ATP9B: variants seen among roughly 807,000 people sequenced by gnomAD.
ATP9B encodes the protein probable phospholipid-transporting ATPase IIB.
In ATP9B, 110 loss-of-function variants were observed where a neutral mutation model predicts 146.1. That is an observed-to-expected ratio of 0.75 (90% CI 0.65 to 0.88). The LOEUF (loss-of-function observed/expected upper bound fraction) is 0.88. Ranked by LOEUF, ATP9B falls within the 40% of genes least tolerant of loss-of-function variation. The probability of loss-of-function intolerance (pLI) is 0.00; values close to 1 mark genes in which losing one functional copy is unlikely to be tolerated. For synonymous variants in ATP9B, 604 were observed against 569.7 expected, an observed-to-expected ratio of 1.06 and a Z score of -0.86; for missense variants, 1,499 against 1,496.4, an observed-to-expected ratio of 1.00 and a Z score of -0.03.
At chr18:79,330,148 G>A (rs765506089) in intron 17 of ATP9B, 44 bp downstream of exon 17, 1 of 1,552,056 alleles carries the variant, frequency 6.4e-7, no homozygotes, top group African/African-American at 1.4e-5. Context: ...TTCTATGGAA[G>A]AGGAGGTATG....
chr18:79,101,134 C>T (rs2075250374), intron 2 of ATP9B, among the ~76,000 whole-genome samples: 1 of 151,128 alleles, frequency 6.6e-6, no homozygotes, highest in Non-Finnish European at 1.5e-5. Context: ...GTGATTTCAT[C>T]AGGTGTTGAT....
At chr18:79,108,725 A>C in intron 2 of ATP9B, among the ~76,000 whole-genome samples, 1 of 152,218 alleles carries the variant, frequency 6.6e-6, no homozygotes, top group East Asian at 1.9e-4. Flanking sequence ...AGGGATGGGC[A>C]GCCTCCACAG....
intron 8 of ATP9B, among the ~76,000 whole-genome samples, chr18:79,184,444 C>G (rs527792889): frequency 2.9e-4 from 44 of 152,052 alleles, no homozygotes; most frequent in Non-Finnish European, 3.1e-4. Flanking sequence ...GTCATCATTT[C>G]CCTCCTCAGC....
intron 5 of ATP9B, among the ~76,000 whole-genome samples, chr18:79,132,355 A>G (rs1453538311): frequency 6.6e-6 from 1 of 152,210 alleles, no homozygotes; most frequent in Non-Finnish European, 1.5e-5. Context: ...TGTGTGTCAG[A>G]TAACATTCAG....
chr18:79,376,490 A>G, intron 29 of ATP9B: 1 of 780,360 alleles, frequency 1.3e-6, no homozygotes, highest in Non-Finnish European at 1.6e-6. Flanking sequence ...CCTGAGTTCA[A>G]GTGATTCTCC....
intron 2 of ATP9B, among the ~76,000 whole-genome samples, chr18:79,098,550 A>G (rs1417700054): frequency 6.6e-6 from 1 of 151,560 alleles, no homozygotes. Flanking sequence ...AAAACAAACA[A>G]CCCCATCAAA....
intron 11 of ATP9B, among the ~76,000 whole-genome samples, chr18:79,248,964 T>C (rs1432842876): frequency 6.6e-6 from 1 of 152,168 alleles, no homozygotes; most frequent in Non-Finnish European, 1.5e-5. Context: ...ATTTGCCGTG[T>C]ACATTGATTG....
chr18:79,317,906 G>A (rs145836721), intron 15 of ATP9B, among the ~76,000 whole-genome samples: 2 of 152,350 alleles, frequency 1.3e-5, no homozygotes, highest in East Asian at 3.9e-4. Context: ...ATTGCTCAAA[G>A]CCAGCAAACA....
At chr18:79,154,336 T>A (rs1230035155) in intron 6 of ATP9B, among the ~76,000 whole-genome samples, 168 bp from the exon 7 acceptor site, 1 of 152,200 alleles carries the variant, frequency 6.6e-6, no homozygotes, top group Non-Finnish European at 1.5e-5. Flanking sequence ...TCAATTAAAA[T>A]GTGAATTAAA....
At chr18:79,303,268 A>G (rs1198075407) in intron 13 of ATP9B, among the ~76,000 whole-genome samples, 1 of 152,132 alleles carries the variant, frequency 6.6e-6, no homozygotes, top group Non-Finnish European at 1.5e-5. Context: ...AAGCTGAGGC[A>G]GGTGGATCAC....
chr18:79,073,640 G>T (rs949195605), intron 1 of ATP9B, among the ~76,000 whole-genome samples: 5 of 152,144 alleles, frequency 3.3e-5, no homozygotes, highest in South Asian at 4.1e-4. Flanking sequence ...ACGAGGGAGG[G>T]GGGAGACCGT....
At chr18:79,343,930 TC>T (rs1036528585) in intron 20 of ATP9B, 1 of 378,262 alleles carries the variant, frequency 2.6e-6, no homozygotes, top group African/African-American at 2.1e-5. Flanking sequence ...GCAATTACCC[TC>T]CCAAACTATC....
chr18:79,364,874 A>C (rs1382008053), intron 26 of ATP9B, among the ~76,000 whole-genome samples: 2 of 152,152 alleles, frequency 1.3e-5, no homozygotes, highest in Non-Finnish European at 1.5e-5. Context: ...ACATAGAAAA[A>C]AATGAGCTGA....
chr18:79,076,991 C>T (rs140857992), intron 1 of ATP9B, among the ~76,000 whole-genome samples: 27 of 152,268 alleles, frequency 1.8e-4, no homozygotes, highest in African/African-American at 4.8e-4. Context: ...AGCAGTGTCT[C>T]TTCTGAGACT....
At chr18:79,358,949 G>T (rs2096970414) in intron 25 of ATP9B, among the ~76,000 whole-genome samples, 1 of 151,782 alleles carries the variant, frequency 6.6e-6, no homozygotes. Flanking sequence ...CTGTGTGAGG[G>T]GTGCTCTGGG....
chr18:79,322,353 A>G (rs910886760), intron 15 of ATP9B, among the ~76,000 whole-genome samples: 7 of 152,310 alleles, frequency 4.6e-5, no homozygotes, highest in African/African-American at 1.7e-4. Context: ...TGAGACAGCG[A>G]GTGTTGACAT....
intron 11 of ATP9B, among the ~76,000 whole-genome samples, chr18:79,227,240 C>G (rs1021583981): frequency 1.3e-5 from 2 of 152,094 alleles, no homozygotes; most frequent in African/African-American, 2.4e-5. Context: ...TTTCTTTGCT[C>G]CAGCCCTGGG....
At chr18:79,093,918 G>A (rs2074559269) in intron 1 of ATP9B, among the ~76,000 whole-genome samples, 1 of 152,188 alleles carries the variant, frequency 6.6e-6, no homozygotes, top group Non-Finnish European at 1.5e-5. Context: ...GCATTTGTTG[G>A]TTGTTCTTTC....
intron 19 of ATP9B, 69 bp from the exon 20 acceptor site, chr18:79,342,199 T>G (rs2096863194): frequency 7.9e-7 from 1 of 1,261,586 alleles, no homozygotes; most frequent in Non-Finnish European, 1.2e-6. Context: ...CTGTTGTGAA[T>G]TATGTGAGAC....
Sources: gnomAD v4.1 joint callset for allele counts (sites outside exome capture counted in the v4.1 genomes callset) on GRCh38, gnomAD v4.1.1 for gene constraint, MANE v1.5 for transcripts, NCBI Gene and HGNC (gene_info 2026-07-23, HGNC 2026-07-21) for gene names.